The following RARB variants were observed in gnomAD, a reference collection of about 807,000 sequenced individuals.
RARB encodes HBV-activated protein.
In RARB, 17 loss-of-function variants were observed where a neutral mutation model predicts 51.9. The ratio of observed to expected loss-of-function variants is 0.33; its 90% CI spans 0.22 to 0.49. The LOEUF is 0.49. Among genes scored for constraint, RARB ranks in the 20% least tolerant of loss-of-function variants. RARB has a pLI of 0.99. For synonymous variants in RARB, 215 were observed against 195.4 expected, an observed-to-expected ratio of 1.10 and a Z score of -0.84; for missense variants, 369 against 550.8, an observed-to-expected ratio of 0.67 and a Z score of 3.30.
chr3:25,360,029 T>A (rs575597614), intron 5 of RARB, among the ~76,000 whole-genome samples: 1 of 152,316 alleles, frequency 6.6e-6, no homozygotes, highest in Non-Finnish European at 1.5e-5. Flanking sequence ...CTGAATATCC[T>A]TGTTAATATT....
chr3:25,397,490 C>G (rs918003329), intron 5 of RARB, among the ~76,000 whole-genome samples: 4 of 152,182 alleles, frequency 2.6e-5, no homozygotes, highest in African/African-American at 9.7e-5. Context: ...AGCAAAAGTT[C>G]ACAGTGTGAG....
intron 4 of RARB, among the ~76,000 whole-genome samples, chr3:25,167,778 G>A (rs548706543): frequency 7.8e-4 from 119 of 152,306 alleles, no homozygotes; most frequent in African/African-American, 2.7e-3. Context: ...GGAGGAAGAT[G>A]TGAAAGGCCA....
At chr3:24,847,493 G>A (rs1016608092) in intron 1 of RARB, among the ~76,000 whole-genome samples, 1 of 152,184 alleles carries the variant, frequency 6.6e-6, no homozygotes, top group Admixed American at 6.5e-5. Context: ...TGACTCCAAA[G>A]TAAACCGTAA....
intron 3 of RARB, among the ~76,000 whole-genome samples, chr3:25,502,001 T>C (rs916936546): frequency 1.2e-4 from 18 of 152,186 alleles, no homozygotes; most frequent in Non-Finnish European, 1.5e-5. Flanking sequence ...CTTTCTCTAT[T>C]TGATGTGTAC....
At chr3:25,393,953 G>C (rs1297074845) in intron 5 of RARB, among the ~76,000 whole-genome samples, 1 of 151,932 alleles carries the variant, frequency 6.6e-6, no homozygotes, top group African/African-American at 2.4e-5. Flanking sequence ...CTTCTGCTGA[G>C]TTTGGTTTTG....
chr3:25,190,925 G>A (rs1230397200), intron 5 of RARB, among the ~76,000 whole-genome samples: 1 of 152,084 alleles, frequency 6.6e-6, no homozygotes, highest in Non-Finnish European at 1.5e-5. Context: ...TCAAGTCAGA[G>A]TCAATTAATT....
At chr3:25,119,142 A>C (rs2125328453) in intron 3 of RARB, among the ~76,000 whole-genome samples, 1 of 152,252 alleles carries the variant, frequency 6.6e-6, no homozygotes, top group South Asian at 2.1e-4. Context: ...TCTGGAATGC[A>C]ATATTATTAC....
chr3:25,458,734 A>G (rs1159223745), intron 1 of RARB, among the ~76,000 whole-genome samples: 3 of 152,232 alleles, frequency 2.0e-5, no homozygotes, highest in African/African-American at 7.2e-5. Flanking sequence ...TAGGACCTGT[A>G]CTACTCAAAT....
At chr3:25,097,255 A>AT (rs1204849273) in intron 3 of RARB, among the ~76,000 whole-genome samples, 13 of 152,198 alleles carry the variant, frequency 8.5e-5, no homozygotes, top group Non-Finnish European at 4.4e-5. Context: ...ACCAAACACT[A>AT]TTTGATGACT....
At chr3:25,400,243 T>G (rs1707228152) in intron 5 of RARB, among the ~76,000 whole-genome samples, 2 of 152,162 alleles carry the variant, frequency 1.3e-5, no homozygotes, top group Admixed American at 1.3e-4. Context: ...CCCCATTCTT[T>G]CCCACACAAA....
At chr3:25,321,148 C>T (rs951395078) in intron 5 of RARB, among the ~76,000 whole-genome samples, 1 of 152,100 alleles carries the variant, frequency 6.6e-6, no homozygotes, top group Non-Finnish European at 1.5e-5. Context: ...GCTTAGAAAC[C>T]ATCAGGGTTT....
chr3:25,552,514 C>T (rs1450717301), intron 3 of RARB, among the ~76,000 whole-genome samples: 1 of 151,990 alleles, frequency 6.6e-6, no homozygotes, highest in African/African-American at 2.4e-5. Context: ...GGCAACTTGA[C>T]CTCTCTGCCT....
At chr3:24,954,215 G>T (rs943828689) in intron 2 of RARB, among the ~76,000 whole-genome samples, 1 of 152,150 alleles carries the variant, frequency 6.6e-6, no homozygotes, top group Non-Finnish European at 1.5e-5. Flanking sequence ...GACAATTTCA[G>T]CAAATACATA....
At chr3:25,527,618 C>T (rs1223505837) in intron 3 of RARB, among the ~76,000 whole-genome samples, 2 of 152,108 alleles carry the variant, frequency 1.3e-5, no homozygotes, top group Non-Finnish European at 2.9e-5. Context: ...CATTTAGTCC[C>T]AAACCATCCA....
chr3:25,369,281 G>A (rs1235139898), intron 5 of RARB, among the ~76,000 whole-genome samples: 1 of 152,150 alleles, frequency 6.6e-6, no homozygotes, highest in East Asian at 1.9e-4. Flanking sequence ...GAAAGTGTGA[G>A]CCATTAATTC....
chr3:24,922,216 C>G (rs1048936085), intron 2 of RARB, among the ~76,000 whole-genome samples: 1 of 152,124 alleles, frequency 6.6e-6, no homozygotes, highest in Non-Finnish European at 1.5e-5. Flanking sequence ...CTGTATAAAC[C>G]TGTAAAATGG....
chr3:25,190,746 T>C lies in RARB; in HGVS notation c.178+16171T>C, dbSNP rs139638072. On this transcript the variant is annotated intron_variant, in intron 5 of 11. Coordinates refer to the RARB transcript ENST00000383772. ...CTCCCCACTTCTAGATTTTTTTCTT[T>C]GTCCTTGGCTACTTATGTCGCGTGC... Among the ~76,000 whole-genome samples, 68 of 152,286 alleles carry C rather than the reference T, an allele frequency of 4.5e-4. No homozygotes were observed. The East Asian group carries it at 8.9e-3, about 20-fold the overall frequency.
chr3:25,487,213 A>C (rs963738894), intron 2 of RARB, among the ~76,000 whole-genome samples: 4 of 152,174 alleles, frequency 2.6e-5, no homozygotes, highest in African/African-American at 9.7e-5. Flanking sequence ...CGTAAATAGC[A>C]ACTCCAGGTT....
chr3:25,579,646 A>G (rs1361295553), intron 4 of RARB, among the ~76,000 whole-genome samples: 2 of 152,192 alleles, frequency 1.3e-5, no homozygotes, highest in Non-Finnish European at 2.9e-5. Flanking sequence ...GTTGCTTTCA[A>G]TCTATAGATT....
Sources: allele counts gnomAD v4.1 joint callset (sites outside exome capture counted in the v4.1 genomes callset), GRCh38; gene constraint gnomAD v4.1.1; transcripts MANE v1.5; gene names NCBI Gene and HGNC (gene_info 2026-07-23, HGNC 2026-07-21).